Variants in RPH3A observed in about 807,000 individuals in gnomAD.
The protein encoded by RPH3A is rabphilin 3A, also known as rabphilin-3A.
Under a neutral mutation model 102.2 loss-of-function variants are expected in RPH3A, and 48 were observed. That is an observed-to-expected ratio of 0.47 (90% CI 0.37 to 0.60). The LOEUF (loss-of-function observed/expected upper bound fraction) is 0.60. RPH3A is among the 20% of genes least tolerant of loss of function. RPH3A has a pLI of 0.00. For missense variants in RPH3A, 781 were observed against 910.1 expected (o/e 0.86, Z 1.83); for synonymous variants, 310 against 324.3 (o/e 0.96, Z 0.47).
intron 1 of RPH3A, among the ~76,000 whole-genome samples, chr12:112,606,004 T>C (rs2039593807): frequency 6.6e-6 from 1 of 152,152 alleles, no homozygotes; most frequent in Non-Finnish European, 1.5e-5. Flanking sequence ...AAAATTCTGT[T>C]AAAAAAGTGG....
chr12:112,745,425 G>A (rs1172142519), intron 1 of RPH3A, among the ~76,000 whole-genome samples: 1 of 152,246 alleles, frequency 6.6e-6, no homozygotes, highest in Non-Finnish European at 1.5e-5. Context: ...ATTGGTTTTA[G>A]CATCCTTTGA....
chr12:112,597,994 T>A (rs1327703862), intron 1 of RPH3A, among the ~76,000 whole-genome samples: 1 of 152,072 alleles, frequency 6.6e-6, no homozygotes, highest in Non-Finnish European at 1.5e-5. Context: ...CTTCTGTAGG[T>A]CGTTTAGGCT....
upstream of RPH3A, among the ~76,000 whole-genome samples, chr12:112,789,565 G>A (rs2041075149): frequency 6.6e-6 from 1 of 152,094 alleles, no homozygotes; most frequent in Non-Finnish European, 1.5e-5. Flanking sequence ...TTTGCAAGAT[G>A]GGAATAATAC....
intron 1 of RPH3A, among the ~76,000 whole-genome samples, chr12:112,727,513 T>C (rs1227072534): frequency 1.2e-3 from 117 of 95,364 alleles, no homozygotes; most frequent in African/African-American, 2.6e-3. Context: ...CCCACACACA[T>C]ATATATATAT....
intron 1 of RPH3A, among the ~76,000 whole-genome samples, chr12:112,641,241 A>C (rs1401816279): frequency 6.6e-6 from 1 of 152,212 alleles, no homozygotes; most frequent in Non-Finnish European, 1.5e-5. Flanking sequence ...GCTATACAGT[A>C]AAATATTGCT....
intron 1 of RPH3A, chr12:112,649,494 T>C (rs1476247800): frequency 6.6e-6 from 1 of 152,188 alleles, no homozygotes; most frequent in Non-Finnish European, 1.5e-5. Context: ...GGGCCTCAGT[T>C]TCCCCATCTG....
chr12:112,713,082 CTTCTTCTTCTTCTTCTTCTT>C (rs2040490083), intron 1 of RPH3A, among the ~76,000 whole-genome samples: 1 of 125,522 alleles, frequency 8.0e-6, no homozygotes, highest in Non-Finnish European at 1.6e-5. Context: ...TCTTCTTCTT[CTTCTTCTTCTTCTTCTTCTT>C]TTATTTTTTT....
At chr12:112,776,872 T>TG (rs2040970745) in intron 1 of RPH3A, among the ~76,000 whole-genome samples, 1 of 5,418 alleles carries the variant, frequency 1.8e-4, no homozygotes, top group Non-Finnish European at 3.8e-4. Context: ...AGACTCCATC[T>TG]CAAAAAAAAA....
intron 2 of RPH3A, among the ~76,000 whole-genome samples, chr12:112,806,224 G>T (rs933088159): frequency 1.3e-5 from 2 of 152,232 alleles, no homozygotes; most frequent in African/African-American, 2.4e-5. Context: ...GGAGTTGCAT[G>T]ATGGTTGAAA....
At chr12:112,733,794 T>A (rs1306467761) in intron 1 of RPH3A, among the ~76,000 whole-genome samples, 1 of 152,214 alleles carries the variant, frequency 6.6e-6, no homozygotes, top group Non-Finnish European at 1.5e-5. Context: ...AGAGTGGGCA[T>A]GGCAGATGCA....
At chr12:112,679,623 AC>A (rs1179299627) in intron 1 of RPH3A, among the ~76,000 whole-genome samples, 1 of 151,964 alleles carries the variant, frequency 6.6e-6, no homozygotes, top group Non-Finnish European at 1.5e-5. Context: ...ATGGGGTTTC[AC>A]CATTTTGTCT....
Position 112,639,522 on chromosome 12 carries a change from CAGGA to C in RPH3A, c.-140+64206_-140+64209del, listed in dbSNP as rs531973629. ...GGAGAGGTGACGGGAGGAAGAGCATCAGGAAGAATAGCTAATGGATCCTGGGTTT... is the reference window on the plus strand; with the variant it reads ...GGAGAGGTGACGGGAGGAAGAGCATCAGAATAGCTAATGGATCCTGGGTTT... On this transcript the variant is annotated intron_variant, in intron 1 of 21. Coordinates refer to the RPH3A transcript ENST00000543106. Among the ~76,000 whole-genome samples the C allele has an allele frequency of 7.2e-5, 11 of 152,234 alleles. No individual in the cohort carries two copies. In the South Asian group the frequency reaches 2.3e-3, roughly 32 times the overall value.
upstream of RPH3A, chr12:112,791,311 A>G (rs2041097706): frequency 6.6e-6 from 1 of 152,336 alleles, no homozygotes; most frequent in African/African-American, 2.4e-5. Flanking sequence ...GCAATGCAGG[A>G]CTGGGGGCGT....
Position 112,725,262 on chromosome 12 carries a change from A to C in RPH3A, c.-139-66881A>C, listed in dbSNP as rs1027825593. On this transcript the variant is annotated intron_variant, in intron 1 of 21. Coordinates refer to the RPH3A transcript ENST00000543106. ...AGACTTTGTCTCAGAAAAAAAAAAA[A>C]AAAAAAAAAAAAAAAAACACGTTTT... Among the ~76,000 whole-genome samples, 325 of 150,046 alleles carry C rather than the reference A, an allele frequency of 2.2e-3. 1 individual carries two copies. Among genetic ancestry groups the C allele is most frequent in the Non-Finnish European group, 3.6e-3 (243 of 67,506 alleles).
In RPH3A at chr12:112,866,785, C is replaced by G; in HGVS notation, c.389C>G (p.Thr130Ser). The G allele has an allele frequency of 3.7e-6, 6 of 1,609,504 alleles. No homozygotes were observed. Among genetic ancestry groups the G allele is most frequent in the Non-Finnish European group, 5.1e-6 (6 of 1,176,946 alleles). Residue 130 changes from threonine (T) to serine (S), a missense_variant, in exon 7 of 22, where the codon ACC becomes AGC. Thr to Ser is a moderately conservative substitution (Grantham distance 58). Coordinates refer to ENST00000389385, the MANE Select transcript of RPH3A (RefSeq NM_001143854.2). ...KNVCTKCGVETNNRLHSVWLC... is the reference protein window; with the variant it reads ...KNVCTKCGVESNNRLHSVWLC... ...GTCTGCACCAAGTGCGGAGTGGAGA[C>G]CAACAACCGCCTGCATTCTGTGTGG...
intron 1 of RPH3A, among the ~76,000 whole-genome samples, chr12:112,768,266 T>G (rs971277564): frequency 1.3e-5 from 2 of 152,166 alleles, no homozygotes; most frequent in Non-Finnish European, 2.9e-5. Flanking sequence ...ATCAGAACAT[T>G]CAGTGGTGTG....
intron 1 of RPH3A, among the ~76,000 whole-genome samples, chr12:112,695,332 T>A (rs375759780): frequency 6.6e-6 from 1 of 152,146 alleles, no homozygotes; most frequent in African/African-American, 2.4e-5. Context: ...GGAACTTCAT[T>A]TGGAAAGGTT....
intron 5 of RPH3A, among the ~76,000 whole-genome samples, chr12:112,855,116 C>T (rs1027407325): frequency 1.3e-5 from 2 of 152,118 alleles, no homozygotes; most frequent in African/African-American, 4.8e-5. Context: ...TGACATGAAA[C>T]AAAGATTTCA....
intron 1 of RPH3A, among the ~76,000 whole-genome samples, chr12:112,612,606 C>T (rs1467707796): frequency 6.7e-6 from 1 of 148,670 alleles, no homozygotes; most frequent in Non-Finnish European, 1.5e-5. Context: ...ACTCTGTCAC[C>T]CAGGCTGGAG....
Sources: gnomAD v4.1 joint callset for allele counts (sites outside exome capture counted in the v4.1 genomes callset) on GRCh38, gnomAD v4.1.1 for gene constraint, MANE v1.5 for transcripts, NCBI Gene and HGNC (gene_info 2026-07-23, HGNC 2026-07-21) for gene names.